The following ZNF536 variants were observed in gnomAD, a reference collection of about 807,000 sequenced individuals.
ZNF536 encodes zinc finger protein 536.
Under a neutral mutation model 84.5 loss-of-function variants are expected in ZNF536, and 13 were observed. The ratio of observed to expected loss-of-function variants is 0.15; its 90% CI spans 0.10 to 0.24. The LOEUF (loss-of-function observed/expected upper bound fraction) is 0.24, where lower values mean the gene tolerates loss of function less well. Among genes scored for constraint, ZNF536 ranks in the 10% least tolerant of loss-of-function variants. The pLI, the probability that ZNF536 is intolerant of heterozygous loss-of-function variation, is 1.00. For synonymous variants in ZNF536, 811 were observed against 742.5 expected (o/e 1.09, Z -1.50); for missense variants, 1,536 against 1,747.5 (o/e 0.88, Z 2.16).
At chr19:30,306,189 AATT>A (rs1323031398) in intron 2 of ZNF536, among the ~76,000 whole-genome samples, 2 of 133,686 alleles carry the variant, frequency 1.5e-5, no homozygotes, top group Admixed American at 1.6e-4. Flanking sequence ...CCCTGGAGAG[AATT>A]TTTTTTTTTT....
intron 1 of ZNF536, among the ~76,000 whole-genome samples, chr19:30,434,941 T>C (rs544117547): frequency 9.9e-4 from 150 of 151,936 alleles, no homozygotes; most frequent in Non-Finnish European, 1.3e-3. Context: ...ATGGTGATGA[T>C]GGTGATAATG....
At chr19:30,392,486 T>C (rs2049637646) in intron 1 of ZNF536, among the ~76,000 whole-genome samples, 1 of 152,052 alleles carries the variant, frequency 6.6e-6, no homozygotes. Context: ...CCGGCAGCAA[T>C]TATCTGCGGT....
chr19:30,598,379 GTC>G (rs2146889178), intron 1 of ZNF536, among the ~76,000 whole-genome samples: 1 of 152,252 alleles, frequency 6.6e-6, no homozygotes, highest in East Asian at 1.9e-4. Context: ...TCTAGGGAGA[GTC>G]TCTGCAGAGA....
intron 3 of ZNF536, among the ~76,000 whole-genome samples, chr19:30,363,543 G>C (rs560308743): frequency 6.6e-6 from 1 of 152,128 alleles, no homozygotes; most frequent in Non-Finnish European, 1.5e-5. Flanking sequence ...ATGGGCTACA[G>C]CTACAGACGG....
intron 2 of ZNF536, among the ~76,000 whole-genome samples, chr19:30,471,860 AAGTTTTTTT>A (rs2053648555): frequency 6.6e-6 from 1 of 152,210 alleles, no homozygotes; most frequent in Non-Finnish European, 1.5e-5. Context: ...TTTTATTTTT[AAGTTTTTTT>A]AAAATTATTT....
At chr19:30,505,090 G>A (rs1326116694) in intron 2 of ZNF536, among the ~76,000 whole-genome samples, 5 of 151,888 alleles carry the variant, frequency 3.3e-5, no homozygotes, top group Admixed American at 3.3e-4. Flanking sequence ...CCGCCCAGTA[G>A]CTGTTTATAT....
chr19:30,440,591 G>A (rs1181372545), intron 1 of ZNF536, among the ~76,000 whole-genome samples: 1 of 152,160 alleles, frequency 6.6e-6, no homozygotes, highest in African/African-American at 2.4e-5. Context: ...AATGAAGTAT[G>A]TCTGTAAAAG....
chr19:30,358,368 C>T (rs1277225040), intron 3 of ZNF536, among the ~76,000 whole-genome samples: 1 of 152,144 alleles, frequency 6.6e-6, no homozygotes, highest in East Asian at 1.9e-4. Context: ...CCTCACCTCC[C>T]CCGGGATGCC....
Position 30,444,360 on chromosome 19 carries a change from C to T in ZNF536, c.798C>T (p.Asp266=), listed in dbSNP as rs768135434. 84 of 1,601,140 alleles carry T rather than the reference C, an allele frequency of 5.2e-5. No homozygotes were observed. The highest frequency in any genetic ancestry group is 6.7e-5 in the Non-Finnish European group (79 of 1,178,864). The change falls in exon 2 of 5, where the codon GAC becomes GAT. Residue 266 remains aspartate, a synonymous_variant. Coordinates refer to ENST00000355537, the MANE Select transcript of ZNF536 (RefSeq NM_014717.3). ...CCAAGCCTGCCAGCGTGCAGGAGGA[C>T]GCGGTGGCCCCGGCGGCGGGCTTCC... ...PSPKPASVQE[D]AVAPAAGFRC...
rs2052202876 is a variant in ZNF536 at position 30,444,220 on chromosome 19, C to A, written c.658C>A (p.Pro220Thr). 1.3e-6 allele frequency: 2 copies of A among 1,545,600 alleles called. No homozygotes were observed. Among genetic ancestry groups the A allele is most frequent in the Non-Finnish European group, 1.7e-6 (2 of 1,150,774 alleles). Residue 220 changes from proline (P) to threonine (T), a missense_variant, in exon 2 of 5, where the codon CCC (proline) becomes ACC (threonine). Pro to Thr is a conservative substitution (Grantham distance 38). Around this residue, in one of 8 missense-constraint regions of ZNF536, gnomAD observed 138 missense variants for 136.8 expected, o/e 1.01. Transcript: ENST00000355537. Reference protein sequence around the residue: ...DKQLKGSLLQPRPDLKPPPHA... With the variant: ...DKQLKGSLLQTRPDLKPPPHA... ...GCAGCTGAAAGGCAGCCTGCTGCAG[C>A]CCCGGCCGGACCTGAAGCCCCCGCC... is the stretch of plus-strand genomic sequence containing the variant.
At chr19:30,410,445 A>G (rs1410429645) in intron 1 of ZNF536, among the ~76,000 whole-genome samples, 1 of 151,676 alleles carries the variant, frequency 6.6e-6, no homozygotes, top group Non-Finnish European at 1.5e-5. Context: ...TGAAATAAAT[A>G]AACAATGAAA....
chr19:30,489,358 T>G (rs2054418881), intron 2 of ZNF536, among the ~76,000 whole-genome samples: 1 of 152,106 alleles, frequency 6.6e-6, no homozygotes, highest in African/African-American at 2.4e-5. Flanking sequence ...GGAGGGAGGA[T>G]TCCTTGAGAC....
At chr19:30,681,906 G>A (rs1347100666) in intron 1 of ZNF536, among the ~76,000 whole-genome samples, 2 of 152,132 alleles carry the variant, frequency 1.3e-5, no homozygotes, top group Admixed American at 6.5e-5. Context: ...TCCAACAGAC[G>A]TTAATTGTGT....
chr19:30,399,615 G>A (rs1276661978), intron 1 of ZNF536, among the ~76,000 whole-genome samples: 4 of 149,286 alleles, frequency 2.7e-5, no homozygotes, highest in Non-Finnish European at 5.9e-5. Flanking sequence ...AAGGAGTCCA[G>A]TTTCAGTTTT....
intron 2 of ZNF536, among the ~76,000 whole-genome samples, chr19:30,287,155 A>G (rs1281848904): frequency 6.8e-6 from 1 of 146,424 alleles, no homozygotes; most frequent in Non-Finnish European, 1.5e-5. Flanking sequence ...GATGCACAAT[A>G]GCTTCTCAAT....
At chr19:30,479,860 C>CT (rs1491033294) in intron 2 of ZNF536, among the ~76,000 whole-genome samples, 2 of 152,194 alleles carry the variant, frequency 1.3e-5, no homozygotes, top group Admixed American at 6.5e-5. Flanking sequence ...TCACATTTCT[C>CT]TTTTTTATCT....
chr19:30,574,010 G>C (rs1010007298), intron 1 of ZNF536, among the ~76,000 whole-genome samples: 17 of 152,140 alleles, frequency 1.1e-4, no homozygotes, highest in African/African-American at 3.9e-4. Flanking sequence ...ATAAATAGCT[G>C]TTTCTGGATG....
At chr19:30,336,408 C>T (rs1283777684) in intron 2 of ZNF536, among the ~76,000 whole-genome samples, 1 of 152,160 alleles carries the variant, frequency 6.6e-6, no homozygotes, top group Non-Finnish European at 1.5e-5. Context: ...TGCTGTTGGA[C>T]AGGACAAGGG....
chr19:30,696,422 G>A (rs944934229), intron 1 of ZNF536, among the ~76,000 whole-genome samples: 1 of 152,146 alleles, frequency 6.6e-6, no homozygotes, highest in Non-Finnish European at 1.5e-5. Flanking sequence ...ATTACACATC[G>A]AAAAATCTTC....
Sources: gnomAD v4.1 joint callset for allele counts (sites outside exome capture counted in the v4.1 genomes callset) on GRCh38, gnomAD v4.1.1 for gene constraint, gnomAD v4.1.1 regional missense constraint, MANE v1.5 for transcripts, NCBI Gene and HGNC (gene_info 2026-07-23, HGNC 2026-07-21) for gene names.